Variants in WDFY3 observed in about 807,000 individuals in gnomAD.
WDFY3 encodes the protein WD repeat and FYVE domain-containing protein 3.
Under a neutral mutation model 409.6 loss-of-function variants are expected in WDFY3, and 66 were observed. The ratio of observed to expected loss-of-function variants is 0.16; its 90% confidence interval spans 0.13 to 0.20. WDFY3 has a LOEUF of 0.20. Ranked by LOEUF, WDFY3 falls within the 10% of genes least tolerant of loss-of-function variation. The pLI, the probability that WDFY3 is intolerant of heterozygous loss-of-function variation, is 1.00. For missense variants in WDFY3, 3,031 were observed against 4,298.1 expected (o/e 0.71, Z 8.24); for synonymous variants, 1,521 against 1,537.1 (o/e 0.99, Z 0.25).
chr4:84,742,003 A>G (rs1738521558), intron 37 of WDFY3, 82 bp from the exon 38 acceptor site: 3 of 1,324,408 alleles, frequency 2.3e-6, no homozygotes, highest in African/African-American at 1.5e-5. Flanking sequence ...AAATCAGGCT[A>G]AGGTAAAATA....
intron 5 of WDFY3, 93 bp downstream of exon 5, chr4:84,849,809 C>G: frequency 1.3e-6 from 2 of 1,528,472 alleles, no homozygotes; most frequent in South Asian, 2.4e-5. Context: ...GTGCTGAGAA[C>G]AAGGTCTGTT....
intron 64 of WDFY3, among the ~76,000 whole-genome samples, chr4:84,679,841 T>TATATATATATATATATACACAC (rs1235574031): frequency 1.5e-4 from 21 of 141,300 alleles, no homozygotes; most frequent in African/African-American, 5.0e-4. Context: ...TATATATATA[T>TATATATATATATATATACACAC]ACACACACAC....
intron 4 of WDFY3, among the ~76,000 whole-genome samples, chr4:84,859,700 C>T (rs1357532476): frequency 2.0e-5 from 3 of 152,094 alleles, no homozygotes; most frequent in African/African-American, 4.8e-5. Context: ...CTCAGCCTCC[C>T]GAATAGCTGG....
chr4:84,889,477 A>C (rs1764653342), intron 3 of WDFY3, among the ~76,000 whole-genome samples: 1 of 152,214 alleles, frequency 6.6e-6, no homozygotes, highest in South Asian at 2.1e-4. Context: ...AACAATGTTT[A>C]AATAGTCTCA....
chr4:84,882,242 G>A (rs374293423), intron 3 of WDFY3, among the ~76,000 whole-genome samples: 37 of 152,202 alleles, frequency 2.4e-4, no homozygotes, highest in East Asian at 2.1e-3. Context: ...GCTATTTCTC[G>A]CCCTACCACA....
chr4:84,680,392 G>C (rs984696380), intron 64 of WDFY3, among the ~76,000 whole-genome samples: 17 of 152,106 alleles, frequency 1.1e-4, no homozygotes, highest in African/African-American at 4.1e-4. Flanking sequence ...TGAGCCCAGG[G>C]AATCTGCCCG....
chr4:84,702,592 C>T (rs1731222935), intron 55 of WDFY3, 86 bp from the exon 56 acceptor site: 2 of 1,226,272 alleles, frequency 1.6e-6, no homozygotes, highest in African/African-American at 1.5e-5. Context: ...AAAACTCCAA[C>T]TATAGTTGGT....
intron 44 of WDFY3, among the ~76,000 whole-genome samples, chr4:84,727,844 C>T (rs1328343405): frequency 6.6e-6 from 1 of 152,082 alleles, no homozygotes; most frequent in African/African-American, 2.4e-5. Context: ...TTTAGTGATT[C>T]TTTCTTTTTA....
chr4:84,942,987 A>T (rs1293001580), intron 1 of WDFY3, among the ~76,000 whole-genome samples: 1 of 152,072 alleles, frequency 6.6e-6, no homozygotes, highest in African/African-American at 2.4e-5. Flanking sequence ...CATGGGTTTG[A>T]ACTGTGTTGT....
chr4:84,811,041 A>G (rs1672118666), intron 13 of WDFY3, among the ~76,000 whole-genome samples: 1 of 152,196 alleles, frequency 6.6e-6, no homozygotes, highest in South Asian at 2.1e-4. Flanking sequence ...TCTATCACCC[A>G]GCTTGGAGTG....
chr4:84,751,834 A>T, intron 35 of WDFY3, 118 bp from the exon 36 acceptor site: 1 of 1,015,106 alleles, frequency 9.9e-7, no homozygotes, highest in Non-Finnish European at 1.5e-6. Context: ...GCTATTCAGC[A>T]CATTATTTCA....
rs200923492 is a variant in WDFY3 at position 84,715,512 on chromosome 4, T to C, written c.7876-129A>G. 1.2e-3 allele frequency: 624 copies of C among 530,090 alleles called. 1 individual carries two copies. Among genetic ancestry groups the C allele is most frequent in the East Asian group, 4.0e-3 (113 of 28,350 alleles). The allele number at this position is 530,090 out of a possible 1,614,324, so 32.8% of individuals were successfully genotyped here. On this transcript the variant is annotated intron_variant, in intron 49 of 67. Transcript: ENST00000295888. ...ATCTGCGGCCGGGCGCGGTGGCTCA[T>C]GCCTGTAATCCCAGCACTTTGGGAG...
At chr4:84,924,664 T>A (rs1450729005) in intron 2 of WDFY3, among the ~76,000 whole-genome samples, 2 of 152,150 alleles carry the variant, frequency 1.3e-5, no homozygotes, top group Non-Finnish European at 2.9e-5. Flanking sequence ...TTATACTCAA[T>A]CCTCTGCTCT....
chr4:84,703,779 C>G (rs138123527), intron 55 of WDFY3, among the ~76,000 whole-genome samples: 1 of 152,184 alleles, frequency 6.6e-6, no homozygotes, highest in Admixed American at 6.5e-5. Context: ...TTCCCATCCC[C>G]CTTTCTGGAC....
chr4:84,966,406 G>C lies in WDFY3; in HGVS notation c.-423C>G, dbSNP rs1292728823. On this transcript the variant is annotated 5_prime_UTR_variant, in exon 1 of 68. Transcript: ENST00000295888. ...TCTGCGGCCGCGAGGTATGGGAACC[G>C]GTCCGCCGGGCCAGGCAGCGGTGCT... The C allele has an allele frequency of 6.6e-6, 1 of 152,004 alleles. No individual in the cohort carries two copies. The highest frequency in any genetic ancestry group is 6.6e-5 in the Admixed American group (1 of 15,234). 9.4% of individuals were successfully genotyped at this position (152,004 alleles called of 1,614,324 possible).
In WDFY3 at chr4:84,753,805, A is replaced by G. The variant is rs547651040; in HGVS notation, c.5631T>C (p.Tyr1877=). 4 of 1,611,922 alleles carry G rather than the reference A, an allele frequency of 2.5e-6. No individual in the cohort carries two copies. In the South Asian group the frequency reaches 4.4e-5, roughly 18 times the overall value. ...CAAGGTCTGGCACGTTGTGATACAA[A>G]TATCTGAAGAACTGCATCAGGGTCA... ...YPVTLMQFFR[Y]LYHNVPDLAS... Residue 1877 remains tyrosine, a synonymous_variant, in exon 35 of 68, where the codon TAT becomes TAC. Coordinates refer to ENST00000295888, the MANE Select transcript of WDFY3 (RefSeq NM_014991.6).
intron 11 of WDFY3, 48 bp downstream of exon 11, chr4:84,821,036 T>C: frequency 1.3e-6 from 2 of 1,485,606 alleles, no homozygotes; most frequent in Non-Finnish European, 1.8e-6. Context: ...AAATTCTCTG[T>C]TTTGAACCCC....
At chr4:84,729,005 T>C (rs979668056) in intron 44 of WDFY3, among the ~76,000 whole-genome samples, 1 of 152,116 alleles carries the variant, frequency 6.6e-6, no homozygotes, top group Admixed American at 6.5e-5. Flanking sequence ...TTGTGACATT[T>C]ATACATTATA....
chr4:84,954,775 T>G (rs1247789890), intron 1 of WDFY3, among the ~76,000 whole-genome samples: 1 of 152,224 alleles, frequency 6.6e-6, no homozygotes, highest in Non-Finnish European at 1.5e-5. Context: ...TCTGGTAATG[T>G]TTTATAGCTG....
Sources: gnomAD v4.1 joint callset for allele counts (sites outside exome capture counted in the v4.1 genomes callset) on GRCh38, gnomAD v4.1.1 for gene constraint, MANE v1.5 for transcripts, NCBI Gene and HGNC (gene_info 2026-07-23, HGNC 2026-07-21) for gene names.